Variants in LYPD6 observed in about 807,000 individuals in gnomAD.
LYPD6 encodes ly6/PLAUR domain-containing protein 6.
A neutral mutation model predicts 22.7 loss-of-function variants in LYPD6; 15 were observed. The ratio of observed to expected loss-of-function variants is 0.66; its 90% CI spans 0.44 to 1.02. LYPD6 has a LOEUF of 1.02. Among genes scored for constraint, LYPD6 ranks in the 50% least tolerant of loss-of-function variants. The pLI, the probability that LYPD6 is intolerant of heterozygous loss-of-function variation, is 0.00. For synonymous variants in LYPD6, 72 were observed against 77.5 expected (o/e 0.93, Z 0.37); for missense variants, 189 against 208.4 (o/e 0.91, Z 0.57).
intron 1 of LYPD6, among the ~76,000 whole-genome samples, chr2:149,372,233 C>A (rs1238342952): frequency 6.6e-6 from 1 of 152,166 alleles, no homozygotes; most frequent in Non-Finnish European, 1.5e-5. Context: ...TCATTAATTC[C>A]TAATACTTGC....
At chr2:149,370,426 G>GC (rs1252654556) in intron 1 of LYPD6, 3 of 152,082 alleles carry the variant, frequency 2.0e-5, no homozygotes, top group African/African-American at 7.2e-5. Flanking sequence ...ACTCATGAGG[G>GC]TGGAGCCCTC....
At chr2:149,462,774 A>G (rs1281756382) in intron 3 of LYPD6, among the ~76,000 whole-genome samples, 1 of 152,052 alleles carries the variant, frequency 6.6e-6, no homozygotes, top group Non-Finnish European at 1.5e-5. Context: ...TTTTTAACAA[A>G]GGTGTAAAAG....
At chr2:149,451,871 C>G (rs1222610859) in intron 3 of LYPD6, among the ~76,000 whole-genome samples, 1 of 152,150 alleles carries the variant, frequency 6.6e-6, no homozygotes, top group East Asian at 1.9e-4. Context: ...TTTCAGGGAG[C>G]AGGCGGTTTA....
At chr2:149,343,853 A>G (rs911194313) in intron 1 of LYPD6, among the ~76,000 whole-genome samples, 1 of 152,160 alleles carries the variant, frequency 6.6e-6, no homozygotes, top group Non-Finnish European at 1.5e-5. Context: ...CCAAAGGAGG[A>G]CCTGTAAGGA....
At chr2:149,406,124 T>C (rs1173016368) in intron 1 of LYPD6, among the ~76,000 whole-genome samples, 2 of 150,366 alleles carry the variant, frequency 1.3e-5, no homozygotes, top group East Asian at 3.9e-4. Context: ...TCTGTTCTTT[T>C]ACATTTGCTG....
At chr2:149,370,356 T>A (rs1681779705) in intron 1 of LYPD6, among the ~76,000 whole-genome samples, 1 of 152,070 alleles carries the variant, frequency 6.6e-6, no homozygotes, top group Non-Finnish European at 1.5e-5. Flanking sequence ...AGAATCCATA[T>A]GTTGGAACTT....
chr2:149,401,666 C>A (rs1682558636), intron 1 of LYPD6, among the ~76,000 whole-genome samples: 1 of 152,026 alleles, frequency 6.6e-6, no homozygotes, highest in Non-Finnish European at 1.5e-5. Flanking sequence ...GGATTTGTGT[C>A]CAATGTTTAT....
intron 2 of LYPD6, among the ~76,000 whole-genome samples, chr2:149,444,472 A>G (rs867070328): frequency 7.5e-4 from 114 of 152,332 alleles, no homozygotes; most frequent in African/African-American, 2.6e-3. Context: ...ATTTCTCAGT[A>G]GCATGTGATG....
intron 1 of LYPD6, among the ~76,000 whole-genome samples, chr2:149,395,673 C>G: frequency 6.6e-6 from 1 of 151,768 alleles, no homozygotes; most frequent in East Asian, 1.9e-4. Context: ...CTATTTTTTC[C>G]CCTCAATTTG....
downstream of LYPD6, among the ~76,000 whole-genome samples, chr2:149,478,377 G>GGTGTGTGT (rs55853638): frequency 0.019 from 1,892 of 99,344 alleles, 13 homozygotes; most frequent in Middle Eastern, 0.027. Context: ...GGTATATAGA[G>GGTGTGTGT]GTGTGTGTGT....
At position 149,443,017 on chromosome 2, in the gene LYPD6, A is replaced by T. The variant is rs865911009; in HGVS notation, c.118+5191A>T. Among the ~76,000 whole-genome samples the T allele has an allele frequency of 7.2e-5, 11 of 152,326 alleles. No individual in the cohort carries two copies. In the South Asian group the frequency reaches 2.3e-3, roughly 32 times the overall value. On this transcript the variant is annotated intron_variant, in intron 2 of 4. Coordinates refer to ENST00000334166, the MANE Select transcript of LYPD6 (RefSeq NM_194317.5). ...GTGCTGATAAACTCAGAGGTAAAAGAATTTAAGCAAAGCTTCATTTTGCTG... is the reference window on the plus strand; with the variant it reads ...GTGCTGATAAACTCAGAGGTAAAAGTATTTAAGCAAAGCTTCATTTTGCTG...
intron 3 of LYPD6, among the ~76,000 whole-genome samples, chr2:149,452,387 A>G (rs1415674381): frequency 6.6e-6 from 1 of 152,232 alleles, no homozygotes; most frequent in African/African-American, 2.4e-5. Context: ...TAACAATGAA[A>G]ATAATGCCAT....
At chr2:149,348,061 C>CAAAAAAAAA (rs58228847) in intron 1 of LYPD6, among the ~76,000 whole-genome samples, 1,336 of 75,896 alleles carry the variant, frequency 0.018, 1 homozygote, top group Non-Finnish European at 0.023. Flanking sequence ...ACTAAAAATA[C>CAAAAAAAAA]AAAAAAAAAA....
At chr2:149,432,259 A>G (rs1486341070) in intron 1 of LYPD6, among the ~76,000 whole-genome samples, 1 of 152,248 alleles carries the variant, frequency 6.6e-6, no homozygotes, top group African/African-American at 2.4e-5. Context: ...TATATACCCA[A>G]GAAAAACAGA....
At chr2:149,485,537 G>A in the LYPD6 span, among the ~76,000 whole-genome samples, 2 of 152,070 alleles carry the variant, frequency 1.3e-5, no homozygotes, top group Non-Finnish European at 2.9e-5. Flanking sequence ...TTTAGGGATT[G>A]GAAACATTTT....
intron 1 of LYPD6, among the ~76,000 whole-genome samples, chr2:149,401,238 T>TA (rs1164751389): frequency 6.6e-6 from 1 of 152,222 alleles, no homozygotes; most frequent in Non-Finnish European, 1.5e-5. Flanking sequence ...GGTTTCCACT[T>TA]ACATCTCATT....
At chr2:149,458,048 G>A (rs924897631) in intron 3 of LYPD6, among the ~76,000 whole-genome samples, 2 of 152,214 alleles carry the variant, frequency 1.3e-5, no homozygotes, top group African/African-American at 4.8e-5. Context: ...TTAGACAATA[G>A]CTGCTCTACT....
intron 1 of LYPD6, among the ~76,000 whole-genome samples, chr2:149,411,513 T>G (rs962475674): frequency 5.3e-5 from 8 of 152,226 alleles, no homozygotes; most frequent in Non-Finnish European, 1.2e-4. Flanking sequence ...TTTAACAGCC[T>G]TTCTATGAAT....
chr2:149,347,310 C>T (rs1388830634), intron 1 of LYPD6, among the ~76,000 whole-genome samples: 4 of 152,174 alleles, frequency 2.6e-5, no homozygotes, highest in Non-Finnish European at 5.9e-5. Context: ...AATACTGTCG[C>T]ATCACATTGG....
Sources: allele counts gnomAD v4.1 joint callset (sites outside exome capture counted in the v4.1 genomes callset), GRCh38; gene constraint gnomAD v4.1.1; transcripts MANE v1.5; gene names NCBI Gene and HGNC (gene_info 2026-07-23, HGNC 2026-07-21).